The following ELAPOR1 variants were observed in gnomAD, a reference collection of about 807,000 sequenced individuals.
ELAPOR1 encodes the protein endosome/lysosome-associated apoptosis and autophagy regulator 1.
ELAPOR1 carries 77 observed loss-of-function variants against 119.7 expected under a neutral mutation model. The observed-to-expected ratio is 0.64, with a 90% CI of 0.54 to 0.78. The LOEUF (loss-of-function observed/expected upper bound fraction) is 0.78, where lower values mean the gene tolerates loss of function less well. Ranked by LOEUF, ELAPOR1 falls within the 30% of genes least tolerant of loss-of-function variation. ELAPOR1 has a pLI of 0.00. For missense variants in ELAPOR1, 1,115 were observed against 1,270.4 expected, an observed-to-expected ratio of 0.88 and a Z score of 1.86; for synonymous variants, 481 against 487.2, an observed-to-expected ratio of 0.99 and a Z score of 0.17.
intron 3 of ELAPOR1, among the ~76,000 whole-genome samples, chr1:109,166,016 C>T (rs572082804): frequency 2.8e-3 from 421 of 151,920 alleles, no homozygotes; most frequent in African/African-American, 6.7e-3. Context: ...CCCGGGTTGA[C>T]GCCATTCTCC....
chr1:109,197,797 A>G (rs1041474541), intron 16 of ELAPOR1, 143 bp downstream of exon 16: 2 of 1,084,050 alleles, frequency 1.8e-6, no homozygotes, highest in African/African-American at 1.6e-5. Context: ...TGTGTTTTCT[A>G]TTCCACTCTG....
chr1:109,114,402 G>A, intron 1 of ELAPOR1, 66 bp downstream of exon 1: 3 of 1,468,850 alleles, frequency 2.0e-6, no homozygotes, highest in Non-Finnish European at 2.7e-6. Context: ...CGGAGACCTT[G>A]GGGACCCAGG....
At chr1:109,174,916 T>C (rs1221069287) in intron 7 of ELAPOR1, among the ~76,000 whole-genome samples, 1 of 151,890 alleles carries the variant, frequency 6.6e-6, no homozygotes, top group South Asian at 2.1e-4. Flanking sequence ...AGGGTTTCAC[T>C]GTATTAGCCA....
At chr1:109,158,133 C>A (rs1651001109) in intron 1 of ELAPOR1, among the ~76,000 whole-genome samples, 1 of 152,084 alleles carries the variant, frequency 6.6e-6, no homozygotes, top group Non-Finnish European at 1.5e-5. Flanking sequence ...AGTAATTCGC[C>A]CACCTTGACC....
chr1:109,189,530 T>C (rs1316101028), intron 10 of ELAPOR1, 62 bp from the exon 11 acceptor site: 3 of 1,431,118 alleles, frequency 2.1e-6, no homozygotes, highest in Non-Finnish European at 3.0e-6. Flanking sequence ...GAGTGTCATC[T>C]GGGTGCACAT....
In ELAPOR1 at chr1:109,196,831, C is replaced by T. The variant is rs527717403; in HGVS notation, c.2122-643C>T. On this transcript the variant is annotated intron_variant, in intron 15 of 21. Coordinates refer to ENST00000369939, the MANE Select transcript of ELAPOR1 (RefSeq NM_020775.5). ...CCGAGTAGCTGGGACTACAGGCATGCGCCAGCACGTCCAGCTAATTTTTGT... is the reference window on the plus strand; with the variant it reads ...CCGAGTAGCTGGGACTACAGGCATGTGCCAGCACGTCCAGCTAATTTTTGT... Among the ~76,000 whole-genome samples the T allele has an allele frequency of 6.2e-4, 94 of 152,152 alleles. 1 individual carries two copies. In the Middle Eastern group the frequency reaches 0.031, roughly 50 times the overall value.
chr1:109,204,209 C>G lies in ELAPOR1; in HGVS notation c.*1197C>G, dbSNP rs1253443863. The G allele has an allele frequency of 6.6e-6, 1 of 152,250 alleles. No homozygotes were observed. The highest frequency in any genetic ancestry group is 2.4e-5 in the African/African-American group (1 of 41,452). The allele number at this position is 152,250 out of a possible 1,614,324, so 9.4% of individuals were successfully genotyped here. On this transcript the variant is annotated 3_prime_UTR_variant, in exon 22 of 22. Transcript: ENST00000369939. ...AACTGCTGGGATTACAGGCATAAGCCACTGCACTCAGCCTTTTATTTGTTT... is the reference window on the plus strand; with the variant it reads ...AACTGCTGGGATTACAGGCATAAGCGACTGCACTCAGCCTTTTATTTGTTT...
chr1:109,163,075 T>TA (rs1558041882), intron 2 of ELAPOR1, among the ~76,000 whole-genome samples: 1 of 152,202 alleles, frequency 6.6e-6, no homozygotes, highest in East Asian at 1.9e-4. Flanking sequence ...GTGGCAGACA[T>TA]ATATGATATG....
chr1:109,197,905 AG>A (rs1267001117), intron 16 of ELAPOR1, 73 bp from the exon 17 acceptor site: 1 of 1,274,106 alleles, frequency 7.8e-7, no homozygotes, highest in African/African-American at 1.5e-5. Context: ...GGATGTTGAC[AG>A]GTATTGGAAG....
chr1:109,150,351 C>T (rs1384024203), intron 1 of ELAPOR1, among the ~76,000 whole-genome samples: 1 of 152,170 alleles, frequency 6.6e-6, no homozygotes, highest in East Asian at 1.9e-4. Flanking sequence ...GCCAGGGTTC[C>T]CCCAGACTCC....
At chr1:109,134,054 G>A (rs1002369136) in intron 1 of ELAPOR1, among the ~76,000 whole-genome samples, 2 of 152,190 alleles carry the variant, frequency 1.3e-5, no homozygotes, top group Admixed American at 1.3e-4. Context: ...GAAGTGGGAG[G>A]GGGCAGAGGA....
At chr1:109,171,208 A>T (rs1455257598) in intron 3 of ELAPOR1, among the ~76,000 whole-genome samples, 1 of 152,178 alleles carries the variant, frequency 6.6e-6, no homozygotes, top group Admixed American at 6.5e-5. Flanking sequence ...CATGAATATA[A>T]AGCACGTAGT....
chr1:109,168,085 G>C (rs1417686351), intron 3 of ELAPOR1, among the ~76,000 whole-genome samples: 3 of 152,004 alleles, frequency 2.0e-5, no homozygotes, highest in Non-Finnish European at 4.4e-5. Flanking sequence ...GTCTTCACTT[G>C]CTGTGTTCCA....
chr1:109,194,045 C>T (rs1653619242), intron 14 of ELAPOR1, among the ~76,000 whole-genome samples: 1 of 152,170 alleles, frequency 6.6e-6, no homozygotes, highest in Non-Finnish European at 1.5e-5. Context: ...AGTTTCTCTT[C>T]TCCCATCTCA....
In ELAPOR1 at chr1:109,198,641, A is replaced by C. The variant is rs1336216874; in HGVS notation, c.2468A>C (p.Gln823Pro). ...STTIRVRCSP[Q>P]KTVPGSLLLP... ...ACCATCCGCGTCAGGTGCAGTCCAC[A>C]GAAAACTGTCCCTGGAAGTTTGCTG... is the stretch of plus-strand genomic sequence containing the variant. Residue 823 changes from glutamine to proline, a missense_variant, in exon 18 of 22, where the codon CAG becomes CCG. Physicochemically the swap from Gln to Pro is moderately conservative, Grantham distance 76. Transcript: ENST00000369939. 1.2e-6 allele frequency: 2 copies of C among 1,613,930 alleles called. No individual in the cohort carries two copies. Among genetic ancestry groups the C allele is most frequent in the East Asian group, 2.2e-5 (1 of 44,894 alleles).
Position 109,189,659 on chromosome 1 carries a change from C to G in ELAPOR1, c.1416C>G (p.Leu472=), listed in dbSNP as rs370872064. ...CCTCAGACAATGACTTCATGATTCT[C>G]ACTCTGGTTGTGCCAGGATTTAGGT... The part of the protein sequence containing the change: ...AGASDNDFMI[L]TLVVPGFRPP... Residue 472 remains leucine (L), a synonymous_variant, in exon 11 of 22, where the codon CTC becomes CTG. Transcript: ENST00000369939. The G allele has an allele frequency of 6.2e-7, 1 of 1,613,976 alleles. No individual in the cohort carries two copies. The highest frequency in any genetic ancestry group is 8.5e-7 in the Non-Finnish European group (1 of 1,179,974).
At chr1:109,138,073 C>T (rs1484919725) in intron 1 of ELAPOR1, among the ~76,000 whole-genome samples, 3 of 152,206 alleles carry the variant, frequency 2.0e-5, no homozygotes, top group Non-Finnish European at 1.5e-5. Context: ...CTTCTGAAAG[C>T]ACCTACTCAG....
chr1:109,191,356 G>A lies in ELAPOR1; in HGVS notation c.1440-10G>A. On this transcript the variant is annotated splice_polypyrimidine_tract_variant and intron_variant, in intron 11 of 21. Transcript: ENST00000369939. Reference sequence around the variant, plus strand: ...CCTTTAGAACTGACTTTTAATTTCTGCCCCTACAGACCTCCGCAGTCGGTG... The same window carrying A: ...CCTTTAGAACTGACTTTTAATTTCTACCCCTACAGACCTCCGCAGTCGGTG... The A allele has an allele frequency of 1.2e-6, 2 of 1,604,390 alleles. No homozygotes were observed. The highest frequency in any genetic ancestry group is 8.5e-7 in the Non-Finnish European group (1 of 1,171,300).
intron 15 of ELAPOR1, among the ~76,000 whole-genome samples, chr1:109,195,542 C>A (rs537915581): frequency 6.6e-5 from 10 of 151,900 alleles, no homozygotes; most frequent in Non-Finnish European, 8.8e-5. Flanking sequence ...ACAAAAAAAA[C>A]CCCAGAAATA....
Sources: gnomAD v4.1 joint callset for allele counts (sites outside exome capture counted in the v4.1 genomes callset) on GRCh38, gnomAD v4.1.1 for gene constraint, MANE v1.5 for transcripts, NCBI Gene and HGNC (gene_info 2026-07-23, HGNC 2026-07-21) for gene names.